CHUK: variants seen among roughly 807,000 people sequenced by gnomAD.
CHUK encodes component of inhibitor of nuclear factor kappa B kinase complex.
A neutral mutation model predicts 104.8 loss-of-function variants in CHUK; 35 were observed. The ratio of observed to expected loss-of-function variants is 0.33; its 90% CI spans 0.26 to 0.44. The LOEUF (loss-of-function observed/expected upper bound fraction) is 0.44, where lower values mean the gene tolerates loss of function less well. CHUK is among the 20% of genes least tolerant of loss of function. The probability of loss-of-function intolerance (pLI) is 1.00; values close to 1 mark genes in which losing one functional copy is unlikely to be tolerated. For synonymous variants in CHUK, 276 were observed against 291.9 expected (o/e 0.95, Z 0.56); for missense variants, 663 against 902.7 (o/e 0.73, Z 3.40).
chr10:100,206,636 T>G (rs1845597026), intron 11 of CHUK, among the ~76,000 whole-genome samples: 1 of 152,226 alleles, frequency 6.6e-6, no homozygotes, highest in African/African-American at 2.4e-5. Context: ...GTTATCAAAC[T>G]ATATGATCTG....
chr10:100,205,008 C>A, intron 12 of CHUK, 68 bp downstream of exon 12: 1 of 1,572,902 alleles, frequency 6.4e-7, no homozygotes, highest in Non-Finnish European at 8.7e-7. Context: ...TAGTGAAAAC[C>A]GGCAAGATTA....
chr10:100,219,151 T>G lies in CHUK; in HGVS notation c.565-19A>C. On this transcript the variant is annotated intron_variant, in intron 6 of 20. Transcript: ENST00000370397. ...CTGGGGCCTTCAAAAGAGAAAATGC[T>G]TTAAACACCAACACTGTATGGGAAA... 6.2e-7 allele frequency: 1 copy of G among 1,612,412 alleles called. No homozygotes were observed. Among genetic ancestry groups the G allele is most frequent in the African/African-American group, 1.3e-5 (1 of 74,996 alleles).
At chr10:100,202,643 A>T (rs1845497243) in intron 13 of CHUK, among the ~76,000 whole-genome samples, 1 of 152,222 alleles carries the variant, frequency 6.6e-6, no homozygotes, top group African/African-American at 2.4e-5. Flanking sequence ...TCCATTGCTT[A>T]AGCCACTCAG....
intron 1 of CHUK, among the ~76,000 whole-genome samples, chr10:100,228,347 G>C (rs1029783052): frequency 6.6e-6 from 1 of 152,038 alleles, no homozygotes; most frequent in Admixed American, 6.6e-5. Context: ...AGCTTTTATC[G>C]GTATATCAAA....
intron 9 of CHUK, among the ~76,000 whole-genome samples, chr10:100,211,420 AC>A (rs1228889214): frequency 6.6e-6 from 1 of 151,920 alleles, no homozygotes; most frequent in African/African-American, 2.4e-5. Flanking sequence ...TCATTTTTGT[AC>A]CTTTTTTTTC....
intron 19 of CHUK, 72 bp from the exon 20 acceptor site, chr10:100,191,040 T>A: frequency 1.1e-6 from 1 of 929,230 alleles, no homozygotes; most frequent in Admixed American, 1.7e-5. Context: ...CTTTCTAGTC[T>A]TCTAGGTTAG....
intron 9 of CHUK, among the ~76,000 whole-genome samples, chr10:100,210,150 G>C (rs1318307259): frequency 6.8e-6 from 1 of 147,586 alleles, no homozygotes; most frequent in African/African-American, 2.5e-5. Context: ...TGCAGTGGCG[G>C]GATCTCGGCT....
Position 100,204,605 on chromosome 10 carries a change from T to A in CHUK, c.1408A>T (p.Ile470Phe). ...GCTTTCAGTTGTTGTGATGCTGAGA[T>A]CAAAGTGTTCTTCATTTTTGTTAAG... ...ANLTKMKNTL[I>F]SASQQLKAKL... Residue 470 changes from isoleucine (I) to phenylalanine (F), a missense_variant, in exon 13 of 21, where the codon ATC (isoleucine) becomes TTC (phenylalanine). Physicochemically the swap from Ile to Phe is conservative, Grantham distance 21. Transcript: ENST00000370397. 1 of 1,613,208 alleles carries A rather than the reference T, an allele frequency of 6.2e-7. No homozygotes were observed. The highest frequency in any genetic ancestry group is 8.5e-7 in the Non-Finnish European group (1 of 1,179,294).
intron 19 of CHUK, among the ~76,000 whole-genome samples, chr10:100,191,658 C>T (rs1203644965): frequency 6.6e-6 from 1 of 152,168 alleles, no homozygotes; most frequent in Non-Finnish European, 1.5e-5. Flanking sequence ...AATCTTCAGT[C>T]CCCTAACAAG....
At chr10:100,202,537 A>G (rs1845494468) in intron 13 of CHUK, among the ~76,000 whole-genome samples, 1 of 152,172 alleles carries the variant, frequency 6.6e-6, no homozygotes, top group Non-Finnish European at 1.5e-5. Context: ...GAGAGAAACA[A>G]GGAAAGATTC....
intron 2 of CHUK, among the ~76,000 whole-genome samples, chr10:100,224,337 G>A (rs1237482454): frequency 1.3e-5 from 2 of 152,160 alleles, no homozygotes; most frequent in Non-Finnish European, 2.9e-5. Flanking sequence ...AAGACTCTAA[G>A]CTAGAATCAC....
Position 100,205,115 on chromosome 10 carries a change from T to G in CHUK, c.1316A>C (p.Glu439Ala). 1 of 1,614,174 alleles carries G rather than the reference T, an allele frequency of 6.2e-7. No individual in the cohort carries two copies. Among genetic ancestry groups the G allele is most frequent in the African/African-American group, 1.3e-5 (1 of 75,074 alleles). ...TCCCTGAAAGAGCCTGCTATAGTCT[T>G]CTTTTAGTCCAGACACATAGTGCAC... ...EAVHYVSGLKEDYSRLFQGQR... is the reference protein window; with the variant it reads ...EAVHYVSGLKADYSRLFQGQR... The change falls in exon 12 of 21, where the codon GAA becomes GCA. Residue 439 changes from glutamate (E) to alanine (A), a missense_variant. By Grantham distance (107) the Glu-to-Ala change is moderately radical. Around this residue, in one of 5 missense-constraint regions of CHUK, gnomAD observed 311 missense variants for 393.4 expected, o/e 0.79. Transcript: ENST00000370397.
chr10:100,190,887 T>G lies in CHUK; in HGVS notation c.2190A>C (p.Glu730Asp). The G allele has an allele frequency of 9.3e-6, 15 of 1,606,356 alleles. No homozygotes were observed. The highest frequency in any genetic ancestry group is 1.3e-5 in the Non-Finnish European group (15 of 1,172,844). Residue 730 changes from glutamate (E) to aspartate (D), a missense_variant, in exon 20 of 21, where the codon GAA (glutamate) becomes GAC (aspartate). Physicochemically the swap from Glu to Asp is conservative, Grantham distance 45. Transcript: ENST00000370397. ...AACTTACCATCATACTATTGCCCTGTTCCTCATTTGCCTCATGAATAATAG... is the reference window on the plus strand; with the variant it reads ...AACTTACCATCATACTATTGCCCTGGTCCTCATTTGCCTCATGAATAATAG... ...LSTIIHEANE[E>D]QGNSMMNLDW... is the part of the protein sequence containing the mutation.
At chr10:100,202,242 G>T in intron 13 of CHUK, 93 bp from the exon 14 acceptor site, 1 of 827,752 alleles carries the variant, frequency 1.2e-6, no homozygotes, top group East Asian at 2.5e-5. Context: ...TCAAAGATGT[G>T]TTATGAGTTG....
At chr10:100,200,502 G>A (rs1213871485) in intron 15 of CHUK, among the ~76,000 whole-genome samples, 169 bp downstream of exon 15, 1 of 152,144 alleles carries the variant, frequency 6.6e-6, no homozygotes, top group Non-Finnish European at 1.5e-5. Context: ...AATTATTTCC[G>A]AAGTTTCCTG....
At chr10:100,216,880 G>A (rs1173170381) in intron 9 of CHUK, among the ~76,000 whole-genome samples, 1 of 152,106 alleles carries the variant, frequency 6.6e-6, no homozygotes, top group Non-Finnish European at 1.5e-5. Context: ...GGAAGGGTAG[G>A]GTGGGTGATT....
At chr10:100,194,275 T>A in intron 17 of CHUK, 144 bp from the exon 18 acceptor site, 1 of 1,072,150 alleles carries the variant, frequency 9.3e-7, no homozygotes, top group South Asian at 1.3e-5. Context: ...AAAGGACACA[T>A]AAATGCAGAT....
downstream of CHUK, chr10:100,188,221 C>G (rs1845115139): frequency 6.6e-6 from 1 of 152,356 alleles, no homozygotes; most frequent in African/African-American, 2.4e-5. Flanking sequence ...CCCAATACTA[C>G]CTTTACCATA....
At chr10:100,192,506 A>G (rs1404839197) in intron 19 of CHUK, 1 of 619,540 alleles carries the variant, frequency 1.6e-6, no homozygotes, top group African/African-American at 2.0e-5. Flanking sequence ...TCATAAAAGT[A>G]GAGTACAGAA....
Sources: gnomAD v4.1 joint callset for allele counts (sites outside exome capture counted in the v4.1 genomes callset) on GRCh38, gnomAD v4.1.1 for gene constraint, gnomAD v4.1.1 regional missense constraint, MANE v1.5 for transcripts, NCBI Gene and HGNC (gene_info 2026-07-23, HGNC 2026-07-21) for gene names.